TRHDE: variants seen among roughly 807,000 people sequenced by gnomAD.
The protein encoded by TRHDE is thyrotropin-releasing hormone-degrading ectoenzyme.
TRHDE carries 72 observed loss-of-function variants against 125.7 expected under a neutral mutation model. That is an observed-to-expected ratio of 0.57 (90% CI 0.47 to 0.70). The LOEUF is 0.70. Among genes scored for constraint, TRHDE ranks in the 30% least tolerant of loss-of-function variants. TRHDE has a pLI of 0.00. For synonymous variants in TRHDE, 509 were observed against 509.1 expected (o/e 1.00, Z 0.00); for missense variants, 1,110 against 1,327.1 (o/e 0.84, Z 2.54).
At chr12:72,442,060 T>A (rs1875040409) in intron 3 of TRHDE, among the ~76,000 whole-genome samples, 1 of 151,818 alleles carries the variant, frequency 6.6e-6, no homozygotes, top group Non-Finnish European at 1.5e-5. Flanking sequence ...CATTTCACCT[T>A]GTAAAGAGAG....
chr12:72,285,101 C>T (rs1879833120), intron 1 of TRHDE, among the ~76,000 whole-genome samples: 1 of 152,038 alleles, frequency 6.6e-6, no homozygotes, highest in South Asian at 2.1e-4. Context: ...AAATGAGGCC[C>T]TCAATGATCA....
At chr12:72,176,611 A>G (rs1451769645) in intron 2 of TRHDE, among the ~76,000 whole-genome samples, 1 of 152,196 alleles carries the variant, frequency 6.6e-6, no homozygotes, top group Admixed American at 6.5e-5. Context: ...TTTTTCTAAG[A>G]AACTGTTATT....
At chr12:72,240,459 A>G (rs1052190037) in intron 2 of TRHDE, among the ~76,000 whole-genome samples, 4 of 151,854 alleles carry the variant, frequency 2.6e-5, no homozygotes, top group African/African-American at 9.7e-5. Flanking sequence ...GACAGATAAC[A>G]TGGAGGCATA....
At position 72,575,408 on chromosome 12, in the gene TRHDE, A is replaced by G. The variant is rs202200647; in HGVS notation, c.2265+20A>G. The G allele has an allele frequency of 3.7e-6, 6 of 1,613,578 alleles. No homozygotes were observed. Among genetic ancestry groups the G allele is most frequent in the Non-Finnish European group, 5.1e-6 (6 of 1,179,666 alleles). ...CATGAGGTACACTCCAGATTTGCTT[A>G]TCAAAGATAATTTTTGGTATGTGAA... On this transcript the variant is annotated intron_variant, in intron 11 of 18. Coordinates refer to ENST00000261180, the MANE Select transcript of TRHDE (RefSeq NM_013381.3).
At chr12:72,369,498 C>A (rs936862171) in intron 2 of TRHDE, among the ~76,000 whole-genome samples, 7 of 152,036 alleles carry the variant, frequency 4.6e-5, no homozygotes, top group Non-Finnish European at 7.4e-5. Context: ...ACAAAAAAAA[C>A]CTTTTCATTA....
intron 2 of TRHDE, among the ~76,000 whole-genome samples, chr12:72,236,535 C>T (rs990935310): frequency 6.7e-6 from 1 of 149,938 alleles, no homozygotes; most frequent in Non-Finnish European, 1.5e-5. Context: ...AGAATAGTTG[C>T]TCTGTGTCTT....
rs1190421525 is a variant in TRHDE, at chr12:72,499,123, G to T, written c.1585-375G>T. ...CTTCTTATATTTAACTTACCTAAAA[G>T]GTGATTTGGGACTGGAATTATAATG... On this transcript the variant is annotated intron_variant, in intron 5 of 18. Coordinates refer to ENST00000261180, the MANE Select transcript of TRHDE (RefSeq NM_013381.3). Among the ~76,000 whole-genome samples the T allele has an allele frequency of 2.0e-5, 3 of 152,200 alleles. No homozygotes were observed. In the East Asian group the frequency reaches 5.8e-4, roughly 29 times the overall value.
chr12:72,312,236 C>G (rs1253513396), intron 2 of TRHDE, among the ~76,000 whole-genome samples: 1 of 152,170 alleles, frequency 6.6e-6, no homozygotes, highest in African/African-American at 2.4e-5. Context: ...CATTATGCAG[C>G]ATGATGACTT....
At chr12:72,593,003 G>T (rs975590651) in intron 12 of TRHDE, among the ~76,000 whole-genome samples, 2 of 152,148 alleles carry the variant, frequency 1.3e-5, no homozygotes, top group Admixed American at 1.3e-4. Context: ...GTGAGCCACC[G>T]CGCCCCGCTG....
At chr12:72,507,557 G>A (rs1454945023) in intron 6 of TRHDE, among the ~76,000 whole-genome samples, 2 of 152,180 alleles carry the variant, frequency 1.3e-5, no homozygotes, top group East Asian at 3.9e-4. Context: ...GTTTCTAATA[G>A]TGTGTTCTCA....
intron 2 of TRHDE, among the ~76,000 whole-genome samples, chr12:72,127,113 A>G (rs973082811): frequency 1.3e-5 from 2 of 152,228 alleles, no homozygotes; most frequent in Admixed American, 1.3e-4. Context: ...CTCACTAATC[A>G]TCAAAGAAAT....
At chr12:72,510,477 A>G (rs560064905) in intron 6 of TRHDE, among the ~76,000 whole-genome samples, 3 of 152,264 alleles carry the variant, frequency 2.0e-5, no homozygotes, top group South Asian at 4.1e-4. Context: ...GGTATAAATT[A>G]TTATCTTCAA....
At chr12:72,382,960 T>C (rs1184204245) in intron 3 of TRHDE, among the ~76,000 whole-genome samples, 2 of 152,232 alleles carry the variant, frequency 1.3e-5, no homozygotes, top group Non-Finnish European at 2.9e-5. Flanking sequence ...GGAATTCTGA[T>C]TCTTGCTGTT....
intron 6 of TRHDE, among the ~76,000 whole-genome samples, chr12:72,513,772 T>C (rs1878708432): frequency 6.6e-6 from 1 of 151,924 alleles, no homozygotes; most frequent in African/African-American, 2.4e-5. Context: ...TTAAGCACGA[T>C]TTTTAAGGTT....
chr12:72,629,489 A>C (rs1176004200), intron 15 of TRHDE, among the ~76,000 whole-genome samples: 1 of 151,778 alleles, frequency 6.6e-6, no homozygotes, highest in Non-Finnish European at 1.5e-5. Context: ...CCTATTGATT[A>C]GTTGTAGAAT....
intron 2 of TRHDE, among the ~76,000 whole-genome samples, chr12:72,127,549 T>C (rs77829356): frequency 0.039 from 5,966 of 152,234 alleles, 215 homozygotes; most frequent in South Asian, 0.11. Flanking sequence ...ATGGATTCAG[T>C]TGGAGGCATT....
At chr12:72,316,645 A>G (rs1202891175) in intron 2 of TRHDE, among the ~76,000 whole-genome samples, 1 of 152,198 alleles carries the variant, frequency 6.6e-6, no homozygotes, top group Non-Finnish European at 1.5e-5. Flanking sequence ...TCATCCATAC[A>G]TGCTCTTTTG....
At chr12:72,616,390 G>A (rs1872812319) in intron 12 of TRHDE, among the ~76,000 whole-genome samples, 1 of 152,034 alleles carries the variant, frequency 6.6e-6, no homozygotes, top group South Asian at 2.1e-4. Context: ...ATATAGGTTA[G>A]ATTAAAAGCT....
intron 2 of TRHDE, among the ~76,000 whole-genome samples, chr12:72,371,962 G>A (rs1028989542): frequency 3.1e-4 from 47 of 152,070 alleles, no homozygotes; most frequent in Admixed American, 2.2e-3. Context: ...CTGAGGAATC[G>A]CCACACTGAC....
Sources: gnomAD v4.1 joint callset for allele counts (sites outside exome capture counted in the v4.1 genomes callset) on GRCh38, gnomAD v4.1.1 for gene constraint, MANE v1.5 for transcripts, NCBI Gene and HGNC (gene_info 2026-07-23, HGNC 2026-07-21) for gene names.